Variants in PDZD8 observed in about 807,000 individuals in gnomAD.
The protein encoded by PDZD8 is PDZ domain containing 8.
PDZD8 carries 14 observed loss-of-function variants against 85.8 expected under a neutral mutation model. The observed-to-expected ratio is 0.16, with a 90% confidence interval of 0.11 to 0.26. PDZD8 has a LOEUF of 0.26. Ranked by LOEUF, PDZD8 falls within the 10% of genes least tolerant of loss-of-function variation. The pLI, the probability that PDZD8 is intolerant of heterozygous loss-of-function variation, is 1.00. For synonymous variants in PDZD8, 592 were observed against 568.6 expected, an observed-to-expected ratio of 1.04 and a Z score of -0.59; for missense variants, 1,197 against 1,424.3, an observed-to-expected ratio of 0.84 and a Z score of 2.57.
At position 117,320,435 on chromosome 10, in the gene PDZD8, G is replaced by A. The variant is rs184856796; in HGVS notation, c.996-1461C>T. 3.3e-3 allele frequency among the ~76,000 whole-genome samples: 502 copies of A among 152,102 alleles called. 1 individual carries two copies. The highest frequency in any genetic ancestry group is 0.031 in the Middle Eastern group (9 of 294). Reference sequence around the variant, plus strand: ...CGTAAGTTATTCCATATTTTTCACAGCACTTTAAAAATGTTTTTAGAAAGA... The same window carrying A: ...CGTAAGTTATTCCATATTTTTCACAACACTTTAAAAATGTTTTTAGAAAGA... On this transcript the variant is annotated intron_variant, in intron 2 of 4. Transcript: ENST00000334464.
intron 4 of PDZD8, 32 bp from the exon 5 acceptor site, chr10:117,285,503 A>C (rs1308219221): frequency 2.0e-6 from 3 of 1,511,112 alleles, no homozygotes; most frequent in East Asian, 4.6e-5. Flanking sequence ...GAAAACATGT[A>C]AATTATTGCA....
intron 3 of PDZD8, among the ~76,000 whole-genome samples, chr10:117,308,935 T>C (rs1843989233): frequency 6.6e-6 from 1 of 152,092 alleles, no homozygotes; most frequent in Non-Finnish European, 1.5e-5. Context: ...CTGGACTGAA[T>C]ATATGTGGAC....
intron 1 of PDZD8, among the ~76,000 whole-genome samples, chr10:117,341,346 A>C (rs1393937088): frequency 6.6e-6 from 1 of 152,218 alleles, no homozygotes; most frequent in African/African-American, 2.4e-5. Context: ...CAAAGAAAAG[A>C]AAAGCCTAGA....
Position 117,371,782 on chromosome 10 carries a change from A to T in PDZD8, c.872+2574T>A, listed in dbSNP as rs571203339. Among the ~76,000 whole-genome samples the T allele has an allele frequency of 9.3e-4, 142 of 151,942 alleles. 2 individuals carry two copies. In the South Asian group the frequency reaches 0.022, roughly 23 times the overall value. ...AGCAAGACCTATCTCTACAAAAAAA[A>T]TTTTTTTTTAATTAGCCAGGAGTGG... is the stretch of plus-strand genomic sequence containing the variant. On this transcript the variant is annotated intron_variant, in intron 1 of 4. Coordinates refer to ENST00000334464, the MANE Select transcript of PDZD8 (RefSeq NM_173791.5).
At chr10:117,322,415 C>T (rs1224442159) in intron 2 of PDZD8, among the ~76,000 whole-genome samples, 1 of 151,970 alleles carries the variant, frequency 6.6e-6, no homozygotes, top group Non-Finnish European at 1.5e-5. Flanking sequence ...TTTCTTTTGC[C>T]CTGAGTTCCC....
rs895657417 is a variant in PDZD8 at position 117,340,962 on chromosome 10, A to T, written c.995+18T>A. On this transcript the variant is annotated intron_variant, in intron 2 of 4. Coordinates refer to ENST00000334464, the MANE Select transcript of PDZD8 (RefSeq NM_173791.5). ...CTGTTCTTCCCGTAACTTAGTAATGACAAAACAAAGAACATACCTGCTACA... is the reference window on the plus strand; with the variant it reads ...CTGTTCTTCCCGTAACTTAGTAATGTCAAAACAAAGAACATACCTGCTACA... 7 of 1,613,550 alleles carry T rather than the reference A, an allele frequency of 4.3e-6. No individual in the cohort carries two copies. Among genetic ancestry groups the T allele is most frequent in the Non-Finnish European group, 5.1e-6 (6 of 1,179,678 alleles).
intron 1 of PDZD8, among the ~76,000 whole-genome samples, chr10:117,357,863 T>A (rs1192808118): frequency 1.4e-5 from 2 of 145,992 alleles, no homozygotes; most frequent in Non-Finnish European, 1.5e-5. Context: ...TTTGGATACT[T>A]AATGACATTA....
intron 3 of PDZD8, among the ~76,000 whole-genome samples, chr10:117,302,855 A>T (rs1843869986): frequency 1.3e-5 from 2 of 152,108 alleles, no homozygotes; most frequent in Admixed American, 6.6e-5. Context: ...TGCTGCCTCC[A>T]TGTAAGAAGT....
chr10:117,351,074 G>A (rs1298901923), intron 1 of PDZD8, among the ~76,000 whole-genome samples: 1 of 152,056 alleles, frequency 6.6e-6, no homozygotes, highest in African/African-American at 2.4e-5. Context: ...ATGTTGGAGA[G>A]GATGTGAAAC....
rs750727462 is a variant in PDZD8 at position 117,285,284 on chromosome 10, G to A, written c.1449C>T (p.Ala483=). ...TACTTTCAGTATCTACTGTCAACCC[G>A]GCAGCTTCCTCTTCATAACCCGATT... ...SCQSGYEEEA[A]GLTVDTESRE... is the part of the protein sequence containing the mutation. Residue 483 remains alanine (A), a synonymous_variant, in exon 5 of 5, where the codon GCC becomes GCT. Transcript: ENST00000334464. 38 of 1,613,928 alleles carry A rather than the reference G, an allele frequency of 2.4e-5. No homozygotes were observed. The African/African-American group carries it at 2.9e-4, about 12-fold the overall frequency.
At chr10:117,326,233 A>G (rs2532834) in intron 2 of PDZD8, among the ~76,000 whole-genome samples, 116,890 of 152,122 alleles carry the variant, frequency 0.77, 45,581 homozygotes, top group Non-Finnish European at 0.85. Flanking sequence ...CCAACTAAGA[A>G]TAATAACTGC....
chr10:117,307,262 G>T (rs546817756), intron 3 of PDZD8, among the ~76,000 whole-genome samples: 1 of 151,838 alleles, frequency 6.6e-6, no homozygotes, highest in Non-Finnish European at 1.5e-5. Context: ...TTAAATGGGG[G>T]AAAATTGCCC....
chr10:117,291,485 C>T (rs1376095195), intron 3 of PDZD8, among the ~76,000 whole-genome samples: 1 of 150,384 alleles, frequency 6.6e-6, no homozygotes, highest in African/African-American at 2.5e-5. Flanking sequence ...GCTGAGATCA[C>T]ACCACTGCAC....
intron 3 of PDZD8, among the ~76,000 whole-genome samples, chr10:117,312,241 CAG>C (rs1228769076): frequency 1.3e-5 from 2 of 151,972 alleles, no homozygotes; most frequent in African/African-American, 4.8e-5. Context: ...GTGTAGAGGA[CAG>C]AGAGTATGGC....
intron 1 of PDZD8, among the ~76,000 whole-genome samples, chr10:117,354,114 T>C (rs1844852500): frequency 1.3e-5 from 2 of 152,192 alleles, no homozygotes; most frequent in African/African-American, 2.4e-5. Flanking sequence ...CCTCCATTCA[T>C]TTACTGTTAA....
intron 1 of PDZD8, among the ~76,000 whole-genome samples, chr10:117,341,650 T>C (rs956325831): frequency 3.3e-5 from 5 of 152,214 alleles, no homozygotes; most frequent in African/African-American, 1.2e-4. Context: ...GTAAATGCTA[T>C]GTAAATAGTT....
chr10:117,306,254 T>C (rs1160966365), intron 3 of PDZD8, among the ~76,000 whole-genome samples: 1 of 152,200 alleles, frequency 6.6e-6, no homozygotes, highest in African/African-American at 2.4e-5. Context: ...AACTCTATTA[T>C]ACAAATATAA....
chr10:117,284,459 T>C lies in PDZD8; in HGVS notation c.2274A>G (p.Glu758=), dbSNP rs368379584. ...TGACTATAGCCTTAGGTGAGGGGGC[T>C]TCCAGTCTCAATTTGGAAAGGTATT... ...NTEYLSKLRL[E]APSPKAIVTR... is the part of the protein sequence containing the mutation. The change falls in exon 5 of 5, where the codon GAA becomes GAG. Residue 758 remains glutamate, a synonymous_variant. Coordinates refer to ENST00000334464, the MANE Select transcript of PDZD8 (RefSeq NM_173791.5). 6 of 1,614,034 alleles carry C rather than the reference T, an allele frequency of 3.7e-6. No individual in the cohort carries two copies. In the African/African-American group the frequency reaches 6.7e-5, roughly 18 times the overall value.
intron 4 of PDZD8, 86 bp downstream of exon 4, chr10:117,290,100 A>G: frequency 8.4e-7 from 1 of 1,190,128 alleles, no homozygotes; most frequent in Non-Finnish European, 1.1e-6. Context: ...TTATAGAAAT[A>G]AGGAAAAAGG....
Sources: gnomAD v4.1 joint callset for allele counts (sites outside exome capture counted in the v4.1 genomes callset) on GRCh38, gnomAD v4.1.1 for gene constraint, MANE v1.5 for transcripts, NCBI Gene and HGNC (gene_info 2026-07-23, HGNC 2026-07-21) for gene names.